KIAA1549: variants seen among roughly 807,000 people sequenced by gnomAD.
KIAA1549 encodes UPF0606 protein KIAA1549.
KIAA1549 carries 70 observed loss-of-function variants against 156.4 expected under a neutral mutation model. That is an observed-to-expected ratio of 0.45 (90% CI 0.37 to 0.55). KIAA1549 has a LOEUF of 0.55. Ranked by LOEUF, KIAA1549 falls within the 20% of genes least tolerant of loss-of-function variation. The pLI, the probability that KIAA1549 is intolerant of heterozygous loss-of-function variation, is 0.00. For missense variants in KIAA1549, 2,428 were observed against 2,540.9 expected (o/e 0.96, Z 0.96); for synonymous variants, 1,103 against 1,066.4 (o/e 1.03, Z -0.67).
At chr7:138,851,056 T>G (rs1475606330) in intron 17 of KIAA1549, among the ~76,000 whole-genome samples, 7 of 152,186 alleles carry the variant, frequency 4.6e-5, no homozygotes, top group Non-Finnish European at 1.0e-4. Flanking sequence ...ATCTTCTATA[T>G]CCTTTCTGTA....
chr7:138,838,082 C>A lies in KIAA1549; in HGVS notation c.5677G>T (p.Ala1893Ser). 1 of 1,582,622 alleles carries A rather than the reference C, an allele frequency of 6.3e-7. No individual in the cohort carries two copies. Among genetic ancestry groups the A allele is most frequent in the East Asian group, 2.3e-5 (1 of 43,700 alleles). ...CGGTGGGGGAGGTTCCCGGAAGGAG[C>A]TGAGGGCTCCCTGCCTGAAGTCCTT... ...VPRTSGREPSAPSGNLPHRGL... is the reference protein window; with the variant it reads ...VPRTSGREPSSPSGNLPHRGL... Residue 1893 changes from alanine to serine, a missense_variant, in exon 20 of 20, where the codon GCT becomes TCT. Around this residue, in one of 5 missense-constraint regions of KIAA1549, gnomAD observed 363 missense variants for 354.0 expected, o/e 1.03. Transcript: ENST00000422774.
chr7:138,872,945 A>G (rs1490089849), intron 12 of KIAA1549, among the ~76,000 whole-genome samples: 1 of 152,156 alleles, frequency 6.6e-6, no homozygotes, highest in Non-Finnish European at 1.5e-5. Flanking sequence ...CCCTTCTTCT[A>G]ATCAGCCAGT....
At chr7:138,859,452 T>C (rs933660513) in intron 16 of KIAA1549, among the ~76,000 whole-genome samples, 1 of 152,154 alleles carries the variant, frequency 6.6e-6, no homozygotes, top group Non-Finnish European at 1.5e-5. Flanking sequence ...GGGGCTCTTT[T>C]GGGTAGTTTC....
At chr7:138,863,461 G>A (rs564127737) in intron 15 of KIAA1549, among the ~76,000 whole-genome samples, 4 of 152,126 alleles carry the variant, frequency 2.6e-5, no homozygotes, top group East Asian at 1.9e-4. Flanking sequence ...TCCTGCCAGC[G>A]TGAAGGGCAG....
chr7:138,903,840 TGTGTGTGTGTGTGC>T (rs757090297), intron 7 of KIAA1549, 104 bp from the exon 8 acceptor site: 6,238 of 504,298 alleles, frequency 0.012, 106 homozygotes, highest in African/African-American at 0.027. Context: ...TGTGTGTGTG[TGTGTGTGTGTGTGC>T]GCGCGCGCGC....
chr7:138,849,021 C>T (rs1425594299), intron 17 of KIAA1549, among the ~76,000 whole-genome samples: 1 of 152,228 alleles, frequency 6.6e-6, no homozygotes, highest in Non-Finnish European at 1.5e-5. Context: ...CCATGCACCA[C>T]TGCATCCAGC....
chr7:138,981,189 C>T lies in KIAA1549; in HGVS notation c.81G>A (p.Pro27=), dbSNP rs1814540076. 1.8e-6 allele frequency: 2 copies of T among 1,101,430 alleles called. No homozygotes were observed. The highest frequency in any genetic ancestry group is 2.2e-6 in the Non-Finnish European group (2 of 905,872). 68.2% of individuals were successfully genotyped at this position (1,101,430 alleles called of 1,614,324 possible). ...PRAGVALAPG[P]SGRRPSARCA... ...AGCGGGCGGAAGGCCGTCGGCCGCTCGGCCCCGGGGCCAGCGCGACCCCGG... is the reference window on the plus strand; with the variant it reads ...AGCGGGCGGAAGGCCGTCGGCCGCTTGGCCCCGGGGCCAGCGCGACCCCGG... The change falls in exon 1 of 20, where the codon CCG becomes CCA. Residue 27 remains proline, a synonymous_variant. Transcript: ENST00000422774. This position sits in a 1 kb window ranked among gnomAD's most constrained non-coding sequence, Gnocchi z 4.5.
intron 13 of KIAA1549, among the ~76,000 whole-genome samples, chr7:138,870,357 A>G (rs753199507): frequency 2.6e-5 from 4 of 152,176 alleles, no homozygotes; most frequent in African/African-American, 4.8e-5. Flanking sequence ...CAGGGAAAAA[A>G]AGTCACTCGA....
chr7:138,869,788 C>G, intron 13 of KIAA1549, 27 bp from the exon 14 acceptor site: 1 of 1,573,376 alleles, frequency 6.4e-7, no homozygotes, highest in Non-Finnish European at 8.7e-7. Context: ...GAGAGAAAGA[C>G]AGCCATAGAG....
chr7:138,895,235 A>G (rs1811651668), intron 9 of KIAA1549, among the ~76,000 whole-genome samples: 1 of 152,238 alleles, frequency 6.6e-6, no homozygotes, highest in Non-Finnish European at 1.5e-5. Context: ...ACTAGTGCCA[A>G]ACACAAAGCA....
chr7:138,834,180 GAC>G lies in KIAA1549; in HGVS notation c.*3724_*3725del, dbSNP rs888591749. 4 of 197,172 alleles carry G rather than the reference GAC, an allele frequency of 2.0e-5. No homozygotes were observed. The highest frequency in any genetic ancestry group is 3.2e-5 in the Non-Finnish European group (3 of 95,174). 12.2% of individuals were successfully genotyped at this position (197,172 alleles called of 1,614,324 possible). A position where few individuals can be genotyped will look rare whatever the true frequency, so the allele number is the denominator to read the frequency against. ...TTTGAACAAATTTTTTTCTTTTTGA[GAC>G]ACAGTCTTGCTCTGTCGCCCAGGTT... On this transcript the variant is annotated 3_prime_UTR_variant, in exon 20 of 20. Coordinates refer to ENST00000422774, the MANE Select transcript of KIAA1549 (RefSeq NM_001164665.2).
chr7:138,855,126 G>T (rs1563050434), intron 16 of KIAA1549, among the ~76,000 whole-genome samples: 1 of 152,154 alleles, frequency 6.6e-6, no homozygotes, highest in Non-Finnish European at 1.5e-5. Context: ...GGGGAATCAG[G>T]AAAAGCCTGG....
intron 1 of KIAA1549, among the ~76,000 whole-genome samples, chr7:138,961,829 G>A (rs1813859553): frequency 7.2e-6 from 1 of 138,440 alleles, no homozygotes; most frequent in South Asian, 2.3e-4. Context: ...GTGACAGATA[G>A]AGGCTCTGTC....
chr7:138,975,269 A>C (rs1467745258), intron 1 of KIAA1549, among the ~76,000 whole-genome samples: 1 of 152,222 alleles, frequency 6.6e-6, no homozygotes, highest in Non-Finnish European at 1.5e-5. Flanking sequence ...GAGAAAGCAA[A>C]GTATGGGTCT....
chr7:138,913,955 GAAGGAGGAGGGGACAGAA>G, intron 2 of KIAA1549, among the ~76,000 whole-genome samples: 1 of 149,682 alleles, frequency 6.7e-6, no homozygotes, highest in East Asian at 2.0e-4. Context: ...AGGGAGACAG[GAAGGAGGAGGGGACAGAA>G]AAGGAGGAGG....
At chr7:138,935,394 C>A (rs1046560638) in intron 1 of KIAA1549, among the ~76,000 whole-genome samples, 2 of 152,184 alleles carry the variant, frequency 1.3e-5, no homozygotes, top group African/African-American at 4.8e-5. Context: ...AAAATGCAAT[C>A]CTCTTTCACC....
intron 18 of KIAA1549, among the ~76,000 whole-genome samples, chr7:138,840,973 C>T (rs559347655): frequency 6.6e-6 from 1 of 152,336 alleles, no homozygotes; most frequent in Admixed American, 6.5e-5. Flanking sequence ...CTAAGAGCAA[C>T]AGACCATAAG....
Position 138,911,180 on chromosome 7 carries a change from G to A in KIAA1549, c.3111C>T (p.Phe1037=). The A allele has an allele frequency of 6.3e-7, 1 of 1,599,892 alleles. No individual in the cohort carries two copies. The highest frequency in any genetic ancestry group is 8.5e-7 in the Non-Finnish European group (1 of 1,173,120). ...TPLILSVKPS[F]LVPESRFQVQ... is the part of the protein sequence containing the mutation. ...CTTGGAACCTGGACTCTGGCACAAG[G>A]AAAGAAGGTTTCACAGACAGGATTA... Residue 1037 remains phenylalanine, a synonymous_variant, in exon 4 of 20, where the codon TTC becomes TTT. Transcript: ENST00000422774.
At chr7:138,960,372 C>T (rs1157165829) in intron 1 of KIAA1549, among the ~76,000 whole-genome samples, 1 of 144,440 alleles carries the variant, frequency 6.9e-6, no homozygotes, top group African/African-American at 2.8e-5. Context: ...TGCAGTGGCA[C>T]TATCTCGGCT....
Sources: gnomAD v4.1 joint callset for allele counts (sites outside exome capture counted in the v4.1 genomes callset) on GRCh38, gnomAD v4.1.1 for gene constraint, gnomAD v4.1.1 regional missense constraint, Gnocchi (gnomAD v3.1) non-coding constraint, MANE v1.5 for transcripts, NCBI Gene and HGNC (gene_info 2026-07-23, HGNC 2026-07-21) for gene names.